CDH6: variants seen among roughly 807,000 people sequenced by gnomAD.
The protein encoded by CDH6 is cadherin-6.
A neutral mutation model predicts 78.0 loss-of-function variants in CDH6; 31 were observed. The observed-to-expected ratio is 0.40, with a 90% CI of 0.30 to 0.54. The LOEUF (loss-of-function observed/expected upper bound fraction) is 0.54. CDH6 is among the 20% of genes least tolerant of loss of function. The pLI, the probability that CDH6 is intolerant of heterozygous loss-of-function variation, is 0.56. For missense variants in CDH6, 724 were observed against 975.9 expected, an observed-to-expected ratio of 0.74 and a Z score of 3.44; for synonymous variants, 376 against 368.8, an observed-to-expected ratio of 1.02 and a Z score of -0.23.
At position 31,328,808 on chromosome 5, in the gene CDH6, G is replaced by A. The variant is rs1030517214; in HGVS notation, c.*5500G>A. On this transcript the variant is annotated 3_prime_UTR_variant, in exon 12 of 12. Transcript: ENST00000265071. ...CATGTCTTTGGCAACAAGAACACCTGATGAAAGCAAGCAATGCTCAGTTCC... is the reference window on the plus strand; with the variant it reads ...CATGTCTTTGGCAACAAGAACACCTAATGAAAGCAAGCAATGCTCAGTTCC... 4 of 218,212 alleles carry A rather than the reference G, an allele frequency of 1.8e-5. No individual in the cohort carries two copies. The highest frequency in any genetic ancestry group is 9.0e-5 in the African/African-American group (4 of 44,494). 13.5% of individuals were successfully genotyped at this position (218,212 alleles called of 1,614,324 possible).
intron 1 of CDH6, among the ~76,000 whole-genome samples, chr5:31,224,734 G>A (rs967695280): frequency 1.3e-5 from 2 of 152,104 alleles, no homozygotes; most frequent in African/African-American, 4.8e-5. Context: ...TTGTAGAACA[G>A]GATTTTGCCT....
intron 1 of CDH6, among the ~76,000 whole-genome samples, chr5:31,247,360 A>T (rs1741780994): frequency 6.6e-6 from 1 of 152,252 alleles, no homozygotes; most frequent in African/African-American, 2.4e-5. Context: ...AACATGTCCA[A>T]AGACTCATAA....
At chr5:31,308,603 T>C (rs1053112198) in intron 7 of CDH6, among the ~76,000 whole-genome samples, 1 of 152,070 alleles carries the variant, frequency 6.6e-6, no homozygotes, top group African/African-American at 2.4e-5. Flanking sequence ...AAGGCTTGTG[T>C]ACAAGCAACT....
At position 31,327,499 on chromosome 5, in the gene CDH6, A is replaced by G. The variant is rs762918288; in HGVS notation, c.*4191A>G. On this transcript the variant is annotated 3_prime_UTR_variant, in exon 12 of 12. Transcript: ENST00000265071. ...AAGATGAAATCTTGTTTGAATTGTG[A>G]TATTATAAAAGGGGACTCAAAAATC... 4 of 191,378 alleles carry G rather than the reference A, an allele frequency of 2.1e-5. No individual in the cohort carries two copies. The highest frequency in any genetic ancestry group is 4.4e-5 in the Non-Finnish European group (4 of 91,536). 11.9% of individuals were successfully genotyped at this position (191,378 alleles called of 1,614,324 possible).
intron 5 of CDH6, among the ~76,000 whole-genome samples, chr5:31,299,912 T>C (rs1474464546): frequency 6.6e-6 from 1 of 152,230 alleles, no homozygotes. Flanking sequence ...GACATAAATC[T>C]GCTCATGCAG....
In CDH6 at chr5:31,327,842, AT is replaced by A. The variant is rs1579922264; in HGVS notation, c.*4536del. The A allele has an allele frequency of 4.7e-6, 1 of 214,658 alleles. No individual in the cohort carries two copies. The highest frequency in any genetic ancestry group is 7.0e-5 in the East Asian group (1 of 14,300). 13.3% of individuals were successfully genotyped at this position (214,658 alleles called of 1,614,324 possible). A position where few individuals can be genotyped will look rare whatever the true frequency, so the allele number is the denominator to read the frequency against. Reference sequence around the variant, plus strand: ...CAATACCCTCTTAGAAAGAAAATACATTGACTCATACACTTGTTAAAAGTTA... The same window carrying A: ...CAATACCCTCTTAGAAAGAAAATACATGACTCATACACTTGTTAAAAGTTA... On this transcript the variant is annotated 3_prime_UTR_variant, in exon 12 of 12. Coordinates refer to ENST00000265071, the MANE Select transcript of CDH6 (RefSeq NM_004932.4).
Position 31,282,922 on chromosome 5 carries a change from A to ATGG in CDH6, c.229-11039_229-11038insGGT, listed in dbSNP as rs764282569. On this transcript the variant is annotated intron_variant, in intron 2 of 11. Transcript: ENST00000265071. ...GTAGGGTTATACTGAATCTCTGCAA[A>ATGG]TACAGATCCCTTATGGTATTATTTA... 3.7e-3 allele frequency among the ~76,000 whole-genome samples: 562 copies of ATGG among 152,324 alleles called. 15 individuals carry two copies. Among genetic ancestry groups the ATGG allele is most frequent in the East Asian group, 0.018 (95 of 5,178 alleles).
chr5:31,327,427 C>T lies in CDH6; in HGVS notation c.*4119C>T. 5.2e-6 allele frequency: 1 copy of T among 191,868 alleles called. No individual in the cohort carries two copies. The highest frequency in any genetic ancestry group is 8.3e-5 in the East Asian group (1 of 12,082). The allele number at this position is 191,868 out of a possible 1,614,324, so 11.9% of individuals were successfully genotyped here. On this transcript the variant is annotated 3_prime_UTR_variant, in exon 12 of 12. Coordinates refer to ENST00000265071, the MANE Select transcript of CDH6 (RefSeq NM_004932.4). ...TTCCCCCACTATTTTGAAATGTATC[C>T]TCTAACAAGGATCATTATAGTGTAA...
At chr5:31,199,797 T>C (rs1740298803) in intron 1 of CDH6, among the ~76,000 whole-genome samples, 1 of 149,826 alleles carries the variant, frequency 6.7e-6, no homozygotes, top group Non-Finnish European at 1.5e-5. Flanking sequence ...AATAATAAAC[T>C]AACCTTTACT....
At position 31,302,795 on chromosome 5, in the gene CDH6, AG is replaced by A. The variant is rs1561065952; in HGVS notation, c.999+498del. ...AAAGAAGAAAGAGAGAGAGAGAGAG[AG>A]AGAGAAAGAAAGAAAGAAAGAAAGA... On this transcript the variant is annotated intron_variant, in intron 6 of 11. Transcript: ENST00000265071. Among the ~76,000 whole-genome samples, 231 of 60,260 alleles carry A rather than the reference AG, an allele frequency of 3.8e-3. 5 individuals carry two copies. The highest frequency in any genetic ancestry group is 0.016 in the African/African-American group (210 of 13,314). 39.5% of individuals were successfully genotyped at this position (60,260 alleles called of 152,430 possible). A position where few individuals can be genotyped will look rare whatever the true frequency, so the allele number is the denominator to read the frequency against.
chr5:31,301,828 C>T (rs1737772753), intron 5 of CDH6, among the ~76,000 whole-genome samples: 1 of 152,216 alleles, frequency 6.6e-6, no homozygotes, highest in African/African-American at 2.4e-5. Flanking sequence ...CTCCTGTAGC[C>T]ATTCAGTTGT....
At chr5:31,287,619 AC>A (rs1743044279) in intron 2 of CDH6, among the ~76,000 whole-genome samples, 1 of 152,186 alleles carries the variant, frequency 6.6e-6, no homozygotes. Flanking sequence ...GCATAAATTT[AC>A]ACTCACCTCT....
intron 1 of CDH6, among the ~76,000 whole-genome samples, chr5:31,242,859 T>TAA (rs143490918): frequency 7.5e-6 from 1 of 132,638 alleles, no homozygotes; most frequent in Non-Finnish European, 1.7e-5. Flanking sequence ...TCGCCTCTAC[T>TAA]AAAAAAAAAA....
Position 31,323,273 on chromosome 5 carries a change from A to C in CDH6, c.2338A>C (p.Met780Leu). The part of the protein sequence containing the change: ...WGPRFKKLAD[M>L]YGGVDSDKDS ...ACCTCGATTCAAAAAGCTTGCAGATATGTATGGAGGAGTGGACAGTGACAA... is the reference window on the plus strand; with the variant it reads ...ACCTCGATTCAAAAAGCTTGCAGATCTGTATGGAGGAGTGGACAGTGACAA... The change falls in exon 12 of 12, where the codon ATG becomes CTG. Residue 780 changes from methionine to leucine, a missense_variant. Physicochemically the swap from Met to Leu is conservative, Grantham distance 15 (BLOSUM62 2). Coordinates refer to ENST00000265071, the MANE Select transcript of CDH6 (RefSeq NM_004932.4). 6.2e-7 allele frequency: 1 copy of C among 1,614,014 alleles called. No individual in the cohort carries two copies. The highest frequency in any genetic ancestry group is 8.5e-7 in the Non-Finnish European group (1 of 1,179,876).
chr5:31,317,619 T>TTAATA, intron 10 of CDH6, 54 bp from the exon 11 acceptor site: 1 of 1,581,232 alleles, frequency 6.3e-7, no homozygotes. Flanking sequence ...CACAGTTGAT[T>TTAATA]TAATACATGA....
At chr5:31,291,792 G>A (rs1743170777) in intron 2 of CDH6, among the ~76,000 whole-genome samples, 3 of 152,266 alleles carry the variant, frequency 2.0e-5, no homozygotes, top group South Asian at 2.1e-4. Context: ...TGGTTTCAGC[G>A]TTTCCTTAGC....
chr5:31,205,283 C>T (rs1248700030), intron 1 of CDH6, among the ~76,000 whole-genome samples: 1 of 152,174 alleles, frequency 6.6e-6, no homozygotes, highest in East Asian at 1.9e-4. Context: ...ATGCTAACAA[C>T]TTAATTTTTT....
intron 2 of CDH6, 60 bp from the exon 3 acceptor site, chr5:31,293,902 A>T: frequency 8.3e-7 from 1 of 1,204,164 alleles, no homozygotes. Flanking sequence ...AAAAAGACAA[A>T]AACAGTTTAG....
intron 1 of CDH6, among the ~76,000 whole-genome samples, chr5:31,235,042 T>C (rs1159742994): frequency 1.3e-5 from 2 of 152,112 alleles, no homozygotes; most frequent in Non-Finnish European, 2.9e-5. Flanking sequence ...CATCAATTAA[T>C]AGATGGTTCA....
Sources: allele counts gnomAD v4.1 joint callset (sites outside exome capture counted in the v4.1 genomes callset), GRCh38; gene constraint gnomAD v4.1.1; transcripts MANE v1.5; gene names NCBI Gene and HGNC (gene_info 2026-07-23, HGNC 2026-07-21).